ARL9: variants seen among roughly 807,000 people sequenced by gnomAD.
The protein encoded by ARL9 is ARF like GTPase 9.
Under a neutral mutation model 27.0 loss-of-function variants are expected in ARL9, and 14 were observed. That is an observed-to-expected ratio of 0.52 (90% CI 0.34 to 0.81). The LOEUF is 0.81. Among genes scored for constraint, ARL9 ranks in the 30% least tolerant of loss-of-function variants. ARL9 has a pLI of 0.01. For synonymous variants in ARL9, 106 were observed against 108.7 expected (o/e 0.98, Z 0.15); for missense variants, 294 against 290.0 (o/e 1.01, Z -0.10).
chr4:56,523,883 C>T lies in ARL9; in HGVS notation c.*7C>T, dbSNP rs1175951849. ...GGCTGCAGATGTGCAGTGACCAGGA[C>T]TCAGCCCACTGTGCGGCTCACGACT... is the stretch of plus-strand genomic sequence containing the variant. On this transcript the variant is annotated 3_prime_UTR_variant, in exon 4 of 4. Coordinates refer to ENST00000640821, the MANE Select transcript of ARL9 (RefSeq NM_001363794.2). 1.9e-6 allele frequency: 3 copies of T among 1,610,746 alleles called. No homozygotes were observed. The East Asian group carries it at 6.7e-5, about 36-fold the overall frequency.
chr4:56,518,243 C>T (rs1183646657), intron 2 of ARL9, among the ~76,000 whole-genome samples: 1 of 152,118 alleles, frequency 6.6e-6, no homozygotes, highest in Non-Finnish European at 1.5e-5. Flanking sequence ...CACCCTGTCG[C>T]CCAGGCTGGT....
At position 56,519,748 on chromosome 4, in the gene ARL9, GTTTT is replaced by G. The variant is rs1415333150; in HGVS notation, c.618+896_618+899del. Among the ~76,000 whole-genome samples, 8 of 152,098 alleles carry G rather than the reference GTTTT, an allele frequency of 5.3e-5. No homozygotes were observed. In the South Asian group the frequency reaches 6.2e-4, roughly 12 times the overall value. ...TGTTTTATATTGTTTTGTTTTGTAT[GTTTT>G]ATGTTTTTTATGATATGTTCATAGC... On this transcript the variant is annotated intron_variant, in intron 3 of 3. Transcript: ENST00000640821.
In ARL9 at chr4:56,506,087, A is replaced by T. The variant is rs558500943; in HGVS notation, c.225A>T (p.Glu75Asp). 2.2e-5 allele frequency: 27 copies of T among 1,234,706 alleles called. No homozygotes were observed. The South Asian group carries it at 9.4e-4, about 43-fold the overall frequency. 76.5% of individuals were successfully genotyped at this position (1,234,706 alleles called of 1,614,324 possible). A position where few individuals can be genotyped will look rare whatever the true frequency, so the allele number is the denominator to read the frequency against. Residue 75 changes from glutamate (E) to aspartate (D), a missense_variant, in exon 1 of 4, where the codon GAA becomes GAT. By Grantham distance (45) the Glu-to-Asp change is conservative. Coordinates refer to ENST00000640821, the MANE Select transcript of ARL9 (RefSeq NM_001363794.2). Reference protein sequence around the residue: ...NKEKEQFKGQEEKGENKDSTL... With the variant: ...NKEKEQFKGQDEKGENKDSTL... Reference sequence around the variant, plus strand: ...AGAAGGAACAATTTAAGGGACAAGAAGAGAAAGGGGAGAACAAGGACAGCA... The same window carrying T: ...AGAAGGAACAATTTAAGGGACAAGATGAGAAAGGGGAGAACAAGGACAGCA...
chr4:56,506,943 C>T (rs530815461), intron 1 of ARL9, among the ~76,000 whole-genome samples: 58 of 152,076 alleles, frequency 3.8e-4, no homozygotes, highest in African/African-American at 1.2e-3. Flanking sequence ...TACAGGCACA[C>T]GCCACCATGT....
chr4:56,518,909 T>C, intron 3 of ARL9, 56 bp downstream of exon 3: 1 of 1,492,884 alleles, frequency 6.7e-7, no homozygotes, highest in South Asian at 1.2e-5. Flanking sequence ...ACAAGAAATG[T>C]ATACTTTTAA....
Position 56,505,843 on chromosome 4 carries a change from A to G in ARL9, c.-20A>G. 4 of 1,278,244 alleles carry G rather than the reference A, an allele frequency of 3.1e-6. No homozygotes were observed. Among genetic ancestry groups the G allele is most frequent in the Non-Finnish European group, 3.9e-6 (4 of 1,014,846 alleles). The allele number at this position is 1,278,244 out of a possible 1,614,324, so 79.2% of individuals were successfully genotyped here. ...GCACGCGGGCACGCGGCGGGAGGGA[A>G]GGAAACCGCGGCGCTGGGGATGGAG... On this transcript the variant is annotated 5_prime_UTR_variant, in exon 1 of 4. Transcript: ENST00000640821.
intron 3 of ARL9, among the ~76,000 whole-genome samples, chr4:56,521,880 C>T (rs753539246): frequency 2.6e-5 from 4 of 152,112 alleles, no homozygotes; most frequent in Non-Finnish European, 4.4e-5. Flanking sequence ...TAGTTATGTG[C>T]ATTACAATTA....
At chr4:56,521,651 T>C (rs1721922057) in intron 3 of ARL9, among the ~76,000 whole-genome samples, 1 of 152,242 alleles carries the variant, frequency 6.6e-6, no homozygotes, top group Admixed American at 6.5e-5. Flanking sequence ...TATCAGACTT[T>C]TTCATTTTTG....
intron 3 of ARL9, among the ~76,000 whole-genome samples, chr4:56,520,937 C>T (rs951543558): frequency 1.3e-5 from 2 of 152,078 alleles, no homozygotes; most frequent in Non-Finnish European, 2.9e-5. Flanking sequence ...TTGGGCCGGG[C>T]GTGGTGGCTC....
intron 3 of ARL9, among the ~76,000 whole-genome samples, chr4:56,522,706 G>A (rs548195541): frequency 4.6e-5 from 7 of 152,268 alleles, no homozygotes; most frequent in Admixed American, 1.3e-4. Context: ...CATTTCCATC[G>A]TAAGGAGGTT....
chr4:56,523,717 C>T lies in ARL9; in HGVS notation c.639C>T (p.His213=), dbSNP rs772424781. ...TGAAGGATCTTGAAGCAGCCTATCA[C>T]ATTACAGATATCCATGAAGCTTTGG... The part of the protein sequence containing the change: ...ANKQDLEAAY[H]ITDIHEALAL... The change falls in exon 4 of 4, where the codon CAC becomes CAT. Residue 213 remains histidine (H), a synonymous_variant. Transcript: ENST00000640821. 2 of 1,613,578 alleles carry T rather than the reference C, an allele frequency of 1.2e-6. No homozygotes were observed. Among genetic ancestry groups the T allele is most frequent in the South Asian group, 2.2e-5 (2 of 91,022 alleles).
At chr4:56,506,786 T>TTTTGTGTGTGTG (rs775195012) in intron 1 of ARL9, 11 of 179,852 alleles carry the variant, frequency 6.1e-5, no homozygotes, top group African/African-American at 3.0e-4. Context: ...ATTAACACAG[T>TTTTGTGTGTGTG]TGTGTGTGTG....
In ARL9 at chr4:56,506,156, G is replaced by GC; in HGVS notation, c.279+18dup. The GC allele has an allele frequency of 1.6e-6, 2 of 1,233,350 alleles. No individual in the cohort carries two copies. Among genetic ancestry groups the GC allele is most frequent in the Non-Finnish European group, 2.0e-6 (2 of 988,934 alleles). 76.4% of individuals were successfully genotyped at this position (1,233,350 alleles called of 1,614,324 possible). On this transcript the variant is annotated intron_variant, in intron 1 of 3. Transcript: ENST00000640821. The stretch of plus-strand genomic sequence containing the variant: ...TCGAGCCGCTGGTAAGAGACCCAGT[G>GC]CCCAGGACCCCTTGCCCCAAGGCTT...
At chr4:56,510,470 G>A (rs570053741) in intron 1 of ARL9, among the ~76,000 whole-genome samples, 40 of 151,714 alleles carry the variant, frequency 2.6e-4, no homozygotes, top group African/African-American at 9.7e-4. Flanking sequence ...CTTATGCACC[G>A]AGTGGCACAG....
chr4:56,506,337 C>T (rs1695632214), intron 1 of ARL9, among the ~76,000 whole-genome samples, 196 bp downstream of exon 1: 1 of 152,300 alleles, frequency 6.6e-6, no homozygotes, highest in African/African-American at 2.4e-5. Context: ...GCCCCCTGCC[C>T]ACCCTAGCCC....
intron 3 of ARL9, among the ~76,000 whole-genome samples, chr4:56,521,315 T>C (rs975241659): frequency 6.6e-6 from 1 of 152,152 alleles, no homozygotes; most frequent in Non-Finnish European, 1.5e-5. Context: ...TCATGGTACA[T>C]GTAAGTGAGC....
intron 3 of ARL9, among the ~76,000 whole-genome samples, chr4:56,521,859 T>A (rs1164329772): frequency 6.6e-6 from 1 of 152,198 alleles, no homozygotes; most frequent in Non-Finnish European, 1.5e-5. Flanking sequence ...TTGGAAAAAA[T>A]AATTCTTTGT....
chr4:56,515,849 T>C (rs1276119510), intron 2 of ARL9, among the ~76,000 whole-genome samples: 1 of 152,190 alleles, frequency 6.6e-6, no homozygotes, highest in Non-Finnish European at 1.5e-5. Context: ...GTAGACATTA[T>C]ATCAAAAGAA....
At position 56,522,560 on chromosome 4, in the gene ARL9, T is replaced by G. The variant is rs569982362; in HGVS notation, c.619-1137T>G. Among the ~76,000 whole-genome samples the G allele has an allele frequency of 3.9e-5, 6 of 152,352 alleles. No homozygotes were observed. In the South Asian group the frequency reaches 1.0e-3, roughly 26 times the overall value. On this transcript the variant is annotated intron_variant, in intron 3 of 3. Transcript: ENST00000640821. ...AAAAAGCCAATTACAAATGCAATTT[T>G]AGAAGTGAAAAAACTTTTACAAAGG...
Sources: gnomAD v4.1 joint callset for allele counts (sites outside exome capture counted in the v4.1 genomes callset) on GRCh38, gnomAD v4.1.1 for gene constraint, MANE v1.5 for transcripts, NCBI Gene and HGNC (gene_info 2026-07-23, HGNC 2026-07-21) for gene names.